Variants in MPDZ observed in about 807,000 individuals in gnomAD.
MPDZ encodes the protein multiple PDZ domain protein.
In MPDZ, 234 loss-of-function variants were observed where a neutral mutation model predicts 239.1. The observed-to-expected ratio is 0.98, with a 90% CI of 0.88 to 1.09. MPDZ has a LOEUF of 1.09. MPDZ is among the 50% of genes least tolerant of loss of function. MPDZ has a pLI of 0.00. For missense variants in MPDZ, 3,175 were observed against 2,510.0 expected (o/e 1.26, Z -5.66); for synonymous variants, 1,048 against 881.3 (o/e 1.19, Z -3.35).
intron 1 of MPDZ, among the ~76,000 whole-genome samples, chr9:13,255,015 T>C (rs551948039): frequency 6.6e-6 from 1 of 152,336 alleles, no homozygotes; most frequent in South Asian, 2.1e-4. Flanking sequence ...TTTGACAGCA[T>C]TTTACCCACA....
intron 3 of MPDZ, among the ~76,000 whole-genome samples, chr9:13,226,925 T>G (rs1334422854): frequency 6.6e-6 from 1 of 152,158 alleles, no homozygotes; most frequent in East Asian, 1.9e-4. Context: ...ATCATCTCAA[T>G]GCTAAGGATG....
intron 19 of MPDZ, 135 bp from the exon 20 acceptor site, chr9:13,176,552 T>A: frequency 1.3e-6 from 1 of 797,202 alleles, no homozygotes; most frequent in East Asian, 2.8e-5. Context: ...TCAAAAAGCA[T>A]TAACAAACAC....
chr9:13,236,975 G>A (rs1258670218), intron 3 of MPDZ, among the ~76,000 whole-genome samples: 2 of 151,686 alleles, frequency 1.3e-5, no homozygotes, highest in Non-Finnish European at 2.9e-5. Flanking sequence ...TGGGTGGATA[G>A]AATTGTCCAA....
In MPDZ at chr9:13,126,805, CTT is replaced by C. The variant is rs956023481; in HGVS notation, c.4465-35_4465-34del. On this transcript the variant is annotated intron_variant, in intron 32 of 46. Coordinates refer to ENST00000319217, the MANE Select transcript of MPDZ (RefSeq NM_001378778.1). ...AGTAAAAACAAAAATGCTCAGAAGA[CTT>C]GAAACAGATTAATTTTATCCAAATG... 4.5e-6 allele frequency: 7 copies of C among 1,556,814 alleles called. No homozygotes were observed. In the African/African-American group the frequency reaches 9.5e-5, roughly 21 times the overall value.
At chr9:13,174,321 T>C (rs943346410) in intron 21 of MPDZ, among the ~76,000 whole-genome samples, 1 of 152,184 alleles carries the variant, frequency 6.6e-6, no homozygotes, top group Non-Finnish European at 1.5e-5. Context: ...AACAGTGATA[T>C]TATGGTGTCT....
intron 19 of MPDZ, among the ~76,000 whole-genome samples, chr9:13,176,908 T>A (rs757774746): frequency 1.1e-4 from 17 of 152,150 alleles, no homozygotes; most frequent in Non-Finnish European, 2.5e-4. Context: ...TAGGCATTTA[T>A]AAGTATTTAT....
At chr9:13,187,032 A>C (rs1954207351) in intron 17 of MPDZ, among the ~76,000 whole-genome samples, 1 of 152,126 alleles carries the variant, frequency 6.6e-6, no homozygotes, top group Non-Finnish European at 1.5e-5. Context: ...CTGACAGAAA[A>C]GCTAACATAT....
At chr9:13,189,830 T>C (rs967176676) in intron 16 of MPDZ, among the ~76,000 whole-genome samples, 2 of 152,238 alleles carry the variant, frequency 1.3e-5, no homozygotes, top group East Asian at 3.9e-4. Context: ...AATAAGCCCA[T>C]GGAAATACAA....
chr9:13,203,767 CACACACAG>C (rs1264220245), intron 12 of MPDZ, among the ~76,000 whole-genome samples: 20 of 144,896 alleles, frequency 1.4e-4, no homozygotes, highest in Middle Eastern at 3.7e-3. Flanking sequence ...CACACACACA[CACACACAG>C]AGAGAGAAAG....
intron 38 of MPDZ, chr9:13,119,935 G>T: frequency 2.8e-6 from 1 of 352,398 alleles, no homozygotes; most frequent in South Asian, 3.0e-5. Context: ...CATTTTATGG[G>T]TCACTCGGCT....
intron 16 of MPDZ, among the ~76,000 whole-genome samples, chr9:13,189,802 CTAAAA>C (rs1189767590): frequency 1.3e-5 from 2 of 152,106 alleles, no homozygotes; most frequent in African/African-American, 4.8e-5. Context: ...TGACTTACCA[CTAAAA>C]TATGAGTCAT....
chr9:13,235,661 G>C (rs1963739173), intron 3 of MPDZ, among the ~76,000 whole-genome samples: 1 of 152,002 alleles, frequency 6.6e-6, no homozygotes, highest in Non-Finnish European at 1.5e-5. Context: ...AAAAGATAAG[G>C]GTATTCAATT....
intron 7 of MPDZ, among the ~76,000 whole-genome samples, chr9:13,221,003 GTA>G (rs1160760649): frequency 6.6e-6 from 1 of 151,918 alleles, no homozygotes; most frequent in East Asian, 1.9e-4. Context: ...GAATACAAAA[GTA>G]TATTTTCCCA....
chr9:13,176,057 G>A (rs1310933368), intron 20 of MPDZ, 79 bp downstream of exon 20: 10 of 1,452,168 alleles, frequency 6.9e-6, no homozygotes, highest in Middle Eastern at 1.9e-4. Flanking sequence ...CATTCCAAAT[G>A]AAGAGATTAG....
chr9:13,221,703 T>G (rs1014104763), intron 6 of MPDZ, among the ~76,000 whole-genome samples: 2 of 151,994 alleles, frequency 1.3e-5, no homozygotes, highest in African/African-American at 4.8e-5. Flanking sequence ...ATTCTTGAAA[T>G]TATCAATATA....
chr9:13,154,997 T>C (rs1051326387), intron 24 of MPDZ, among the ~76,000 whole-genome samples: 2 of 152,106 alleles, frequency 1.3e-5, no homozygotes, highest in African/African-American at 4.8e-5. Flanking sequence ...GGCAGGTGGA[T>C]CATGAGGTCA....
chr9:13,246,066 A>G (rs1345404753), intron 3 of MPDZ, among the ~76,000 whole-genome samples: 1 of 152,176 alleles, frequency 6.6e-6, no homozygotes, highest in Admixed American at 6.6e-5. Context: ...ACTCTGAAAA[A>G]GCAGATAATT....
At chr9:13,200,897 C>A (rs139944152) in intron 12 of MPDZ, among the ~76,000 whole-genome samples, 1 of 151,876 alleles carries the variant, frequency 6.6e-6, no homozygotes, top group East Asian at 1.9e-4. Context: ...AGCTGTTGGA[C>A]GGAACGTTCT....
At chr9:13,116,049 T>A (rs1397592418) in intron 39 of MPDZ, among the ~76,000 whole-genome samples, 2 of 151,132 alleles carry the variant, frequency 1.3e-5, no homozygotes, top group Non-Finnish European at 2.9e-5. Context: ...ACTTAGATAA[T>A]TGGGTAAATT....
Sources: gnomAD v4.1 joint callset for allele counts (sites outside exome capture counted in the v4.1 genomes callset) on GRCh38, gnomAD v4.1.1 for gene constraint, MANE v1.5 for transcripts, NCBI Gene and HGNC (gene_info 2026-07-23, HGNC 2026-07-21) for gene names.